TTN: variants seen among roughly 807,000 people sequenced by gnomAD.
TTN encodes titin.
A neutral mutation model predicts 3,223.0 loss-of-function variants in TTN; 1,525 were observed. The ratio of observed to expected loss-of-function variants is 0.47; its 90% CI spans 0.45 to 0.49. The LOEUF (loss-of-function observed/expected upper bound fraction) is 0.49. TTN is among the 20% of genes least tolerant of loss of function. The pLI is 0.00. For synonymous variants in TTN, 14,094 were observed against 15,161.0 expected (o/e 0.93, Z 5.17); for missense variants, 40,786 against 43,424.0 (o/e 0.94, Z 5.40).
Position 178,723,200 on chromosome 2 carries a change from G to GTTAAAACCA in TTN, c.21798_21806dup (p.Gly7267_Asn7269dup). On this transcript the variant is annotated inframe_insertion, in exon 75 of 363. Coordinates refer to ENST00000589042, the MANE Select transcript of TTN (RefSeq NM_001267550.2). Reference sequence around the variant, plus strand: ...TGTTACATTTTTCAGAGGTAGTTATGTTAAAACCATCCTTTTTCCAAGTGA... The same window carrying GTTAAAACCA: ...TGTTACATTTTTCAGAGGTAGTTATGTTAAAACCATTAAAACCATCCTTTTTCCAAGTGA... 6.2e-7 allele frequency: 1 copy of GTTAAAACCA among 1,613,484 alleles called. No individual in the cohort carries two copies. The highest frequency in any genetic ancestry group is 8.5e-7 in the Non-Finnish European group (1 of 1,179,632).
Position 178,527,765 on chromosome 2 carries a change from AT to A in TTN, c.107378-18del, listed in dbSNP as rs2154130403. On this transcript the variant is annotated intron_variant, in intron 361 of 362. Coordinates refer to ENST00000589042, the MANE Select transcript of TTN (RefSeq NM_001267550.2). ...CAACTAGAGCTGTGGAGCATAGCAG[AT>A]ACACAGTGAACATCAATGACATCTG... 6.4e-7 allele frequency: 1 copy of A among 1,550,748 alleles called. No homozygotes were observed. Among genetic ancestry groups the A allele is most frequent in the Non-Finnish European group, 8.7e-7 (1 of 1,148,214 alleles).
chr2:178,749,219 T>G (rs1233373044), intron 47 of TTN: 2 of 1,611,012 alleles, frequency 1.2e-6, no homozygotes, highest in East Asian at 4.5e-5. Flanking sequence ...ATTTCTTATT[T>G]CTTTCTTAAT....
In TTN at chr2:178,568,706, A is replaced by G. The variant is rs367819941; in HGVS notation, c.77426T>C (p.Val25809Ala). The change falls in exon 326 of 363, where the codon GTA (valine) becomes GCA (alanine). Residue 25809 changes from valine to alanine, a missense_variant. By Grantham distance (64) the Val-to-Ala change is moderately conservative. Coordinates refer to ENST00000589042, the MANE Select transcript of TTN (RefSeq NM_001267550.2). The part of the protein sequence containing the change: ...DVKPAFSSYS[V>A]QVGQDLKIEV... ...TATTTTCAAATCTTGGCCAACCTGTACACTGTAACTACTGAATGCAGGTTT... is the reference window on the plus strand; with the variant it reads ...TATTTTCAAATCTTGGCCAACCTGTGCACTGTAACTACTGAATGCAGGTTT... 1 of 1,613,364 alleles carries G rather than the reference A, an allele frequency of 6.2e-7. No homozygotes were observed. The highest frequency in any genetic ancestry group is 1.1e-5 in the South Asian group (1 of 91,046).
rs1413904470 is a variant in TTN, at chr2:178,634,678, T to G, written c.42151+45A>C. ...AGGCTTTTCAGAATGCACAGGGAAG[T>G]GAAATAAAGTTGAGACCCCTCCCCA... On this transcript the variant is annotated intron_variant, in intron 229 of 362. Coordinates refer to ENST00000589042, the MANE Select transcript of TTN (RefSeq NM_001267550.2). The surrounding 1 kb of genome is among the most constrained non-coding windows in gnomAD (Gnocchi z 4.6). The G allele has an allele frequency of 6.2e-7, 1 of 1,611,600 alleles. No homozygotes were observed. Among genetic ancestry groups the G allele is most frequent in the Admixed American group, 1.7e-5 (1 of 59,540 alleles).
At chr2:178,754,823 T>C (rs1376353093) in intron 46 of TTN, among the ~76,000 whole-genome samples, 1 of 152,184 alleles carries the variant, frequency 6.6e-6, no homozygotes, top group Non-Finnish European at 1.5e-5. Context: ...GAGATAGCTA[T>C]AGAACAAAAT....
At position 178,547,300 on chromosome 2, in the gene TTN, G is replaced by A. The variant is rs1464695009; in HGVS notation, c.94225C>T (p.Pro31409Ser). The A allele has an allele frequency of 3.1e-6, 5 of 1,604,254 alleles. No individual in the cohort carries two copies. The South Asian group carries it at 5.6e-5, about 18-fold the overall frequency. Residue 31409 changes from proline to serine, a missense_variant, in exon 340 of 363, where the codon CCA becomes TCA. Coordinates refer to ENST00000589042, the MANE Select transcript of TTN (RefSeq NM_001267550.2). ...ACCTCAGGTCTGGTAGGAGCGCTTG[G>A]TGGGACTAAATATAAACAAAGGTAT... ...PIIAEHPFVP[P>S]SAPTRPEVYH...
chr2:178,744,259 T>G, intron 47 of TTN: 1 of 601,512 alleles, frequency 1.7e-6, no homozygotes, highest in Non-Finnish European at 2.1e-6. Context: ...TTATCTTTCA[T>G]TGTAATATTA....
rs779542898 is a variant in TTN, at chr2:178,735,026, T to C, written c.14936-38A>G. Reference sequence around the variant, plus strand: ...TACAAAAAAGAAAAAGGAGAAGATATCTGAAACATAAACTCCGCAAAAGAA... The same window carrying C: ...TACAAAAAAGAAAAAGGAGAAGATACCTGAAACATAAACTCCGCAAAAGAA... On this transcript the variant is annotated intron_variant, in intron 50 of 362. Coordinates refer to ENST00000589042, the MANE Select transcript of TTN (RefSeq NM_001267550.2). 6 of 1,490,296 alleles carry C rather than the reference T, an allele frequency of 4.0e-6. No individual in the cohort carries two copies. In the South Asian group the frequency reaches 5.5e-5, roughly 14 times the overall value. The allele number at this position is 1,490,296 out of a possible 1,614,324, so 92.3% of individuals were successfully genotyped here. A position where few individuals can be genotyped will look rare whatever the true frequency, so the allele number is the denominator to read the frequency against.
Position 178,591,381 on chromosome 2 carries a change from T to C in TTN, c.60344A>G (p.Asp20115Gly). ...VPVPTAKWTT[D>G]GSEIKTDEHY... is the part of the protein sequence containing the mutation. ...CTCATCGGTTTTAATCTCACTCCCA[T>C]CGGTTGTCCACTTTGCAGTAGGAAC... Residue 20115 changes from aspartate (D) to glycine (G), a missense_variant, in exon 304 of 363, where the codon GAT becomes GGT. Asp to Gly is a moderately conservative substitution (Grantham distance 94). Coordinates refer to ENST00000589042, the MANE Select transcript of TTN (RefSeq NM_001267550.2). 1 of 1,613,174 alleles carries C rather than the reference T, an allele frequency of 6.2e-7. No homozygotes were observed. Among genetic ancestry groups the C allele is most frequent in the Non-Finnish European group, 8.5e-7 (1 of 1,179,438 alleles).
chr2:178,588,860 G>A lies in TTN; in HGVS notation c.62865C>T (p.Val20955=), dbSNP rs1368760641. The stretch of plus-strand genomic sequence containing the variant: ...GTTTATCATACTTGGTTTTGGCTAT[G>A]ACTGGTTTACTTTCTGTTGGAGGCC... The part of the protein sequence containing the change: ...GTGPPTESKP[V]IAKTKYDKPG... Residue 20955 remains valine, a synonymous_variant, in exon 304 of 363, where the codon GTC becomes GTT. Coordinates refer to ENST00000589042, the MANE Select transcript of TTN (RefSeq NM_001267550.2). The A allele has an allele frequency of 1.2e-6, 2 of 1,613,326 alleles. No individual in the cohort carries two copies. Among genetic ancestry groups the A allele is most frequent in the Admixed American group, 3.3e-5 (2 of 59,948 alleles).
At chr2:178,527,770 CA>C (rs1428995810) in intron 361 of TTN, 22 bp from the exon 362 acceptor site, 12 of 1,541,922 alleles carry the variant, frequency 7.8e-6, no homozygotes, top group Non-Finnish European at 1.0e-5. Flanking sequence ...AGCAGATACA[CA>C]GTGAACATCA....
Position 178,774,249 on chromosome 2 carries a change from C to G in TTN, c.7015G>C (p.Val2339Leu), listed in dbSNP as rs964493112. ...CAGGTTGTCTTTTTCCCGTCGATGA[C>G]AAAGCTGTATTCTCCCTGGTCCTCC... is the stretch of plus-strand genomic sequence containing the variant. ...TKEDQGEYSF[V>L]IDGKKTTCKL... Residue 2339 changes from valine to leucine, a missense_variant, in exon 30 of 363, where the codon GTC becomes CTC. Coordinates refer to ENST00000589042, the MANE Select transcript of TTN (RefSeq NM_001267550.2). 1 of 1,614,100 alleles carries G rather than the reference C, an allele frequency of 6.2e-7. No homozygotes were observed. The highest frequency in any genetic ancestry group is 1.7e-5 in the Admixed American group (1 of 60,006).
intron 209 of TTN, 121 bp downstream of exon 209, chr2:178,650,630 G>C: frequency 9.9e-7 from 1 of 1,015,130 alleles, no homozygotes; most frequent in Non-Finnish European, 1.4e-6. Context: ...GATGAATTAA[G>C]ACAAATAATT....
Position 178,580,141 on chromosome 2 carries a change from G to A in TTN, c.67146C>T (p.Gly22382=), listed in dbSNP as rs770418172. 47 of 1,613,144 alleles carry A rather than the reference G, an allele frequency of 2.9e-5. No homozygotes were observed. In the East Asian group the frequency reaches 6.3e-4, roughly 21 times the overall value. The change falls in exon 318 of 363, where the codon GGC becomes GGT. Residue 22382 remains glycine (G), a synonymous_variant. Coordinates refer to ENST00000589042, the MANE Select transcript of TTN (RefSeq NM_001267550.2). ...YVTWEPPIID[G]GSPIINYVVQ... Reference sequence around the variant, plus strand: ...CCACATAGTTTATGATGGGGCTTCCGCCATCAATAATGGGAGGCTCCCAGG... The same window carrying A: ...CCACATAGTTTATGATGGGGCTTCCACCATCAATAATGGGAGGCTCCCAGG...
In TTN at chr2:178,748,922, T is replaced by G. The variant is rs78457662; in HGVS notation, c.11311+4202A>C. The G allele has an allele frequency of 2.2e-3, 3,622 of 1,612,520 alleles. 80 individuals carry two copies. The African/African-American group carries it at 0.042, about 19-fold the overall frequency. On this transcript the variant is annotated intron_variant, in intron 47 of 362. Coordinates refer to ENST00000589042, the MANE Select transcript of TTN (RefSeq NM_001267550.2). Reference sequence around the variant, plus strand: ...TTCTCTTTGCTTTAATGAAAAGGCTTTGTCATCAATCTTCTTTTGAGGAGG... The same window carrying G: ...TTCTCTTTGCTTTAATGAAAAGGCTGTGTCATCAATCTTCTTTTGAGGAGG...
At chr2:178,584,180 C>T (rs555182221) in intron 311 of TTN, 96 bp downstream of exon 311, 1 of 1,373,018 alleles carries the variant, frequency 7.3e-7, no homozygotes, top group Non-Finnish European at 9.9e-7. Flanking sequence ...CTCTACTACT[C>T]TCTGTGTCTT....
intron 16 of TTN, 77 bp from the exon 17 acceptor site, chr2:178,783,862 T>C (rs2092974839): frequency 9.7e-7 from 1 of 1,033,130 alleles, no homozygotes; most frequent in Non-Finnish European, 1.3e-6. Flanking sequence ...TCATGCAACA[T>C]TATATAATTA....
rs901591458 is a variant in TTN at position 178,654,172 on chromosome 2, G to A, written c.38380+36C>T. On this transcript the variant is annotated intron_variant, in intron 193 of 362. Coordinates refer to ENST00000589042, the MANE Select transcript of TTN (RefSeq NM_001267550.2). ...ACAGTGATTGTGAGGGGTACAGACAGTAAGTTATTCTTAGCAGAGGAGAGG... is the reference window on the plus strand; with the variant it reads ...ACAGTGATTGTGAGGGGTACAGACAATAAGTTATTCTTAGCAGAGGAGAGG... The A allele has an allele frequency of 1.8e-5, 28 of 1,585,788 alleles. 1 individual carries two copies. Among genetic ancestry groups the A allele is most frequent in the South Asian group, 1.3e-4 (11 of 87,794 alleles).
Position 178,621,200 on chromosome 2 carries a change from T to A in TTN, c.45518A>T (p.Lys15173Met). The A allele has an allele frequency of 6.2e-7, 1 of 1,612,568 alleles. No homozygotes were observed. The highest frequency in any genetic ancestry group is 1.1e-5 in the South Asian group (1 of 91,032). ...DKYDVIADGK[K>M]RVLVVKDATL... ...GGCATCTTTCACAACTAGGACCCTC[T>A]TTTTACCATCAGCAATAACGTCATA... The change falls in exon 246 of 363, where the codon AAG (lysine) becomes ATG (methionine). Residue 15173 changes from lysine (K) to methionine (M), a missense_variant. Transcript: ENST00000589042.
Sources: allele counts gnomAD v4.1 joint callset (sites outside exome capture counted in the v4.1 genomes callset), GRCh38; gene constraint gnomAD v4.1.1; non-coding constraint Gnocchi (gnomAD v3.1); transcripts MANE v1.5; gene names NCBI Gene and HGNC (gene_info 2026-07-23, HGNC 2026-07-21).